ROBO2: variants seen among roughly 807,000 people sequenced by gnomAD.
ROBO2 encodes the protein roundabout guidance receptor 2, also known as roundabout homolog 2.
ROBO2 carries 53 observed loss-of-function variants against 160.8 expected under a neutral mutation model. The ratio of observed to expected loss-of-function variants is 0.33; its 90% CI spans 0.26 to 0.41. The LOEUF is 0.41. ROBO2 is among the 10% of genes least tolerant of loss of function. ROBO2 has a pLI of 1.00. For missense variants in ROBO2, 1,577 were observed against 1,722.4 expected (o/e 0.92, Z 1.49); for synonymous variants, 664 against 611.7 (o/e 1.09, Z -1.26).
At chr3:76,868,696 G>A (rs1204111734) in intron 2 of ROBO2, among the ~76,000 whole-genome samples, 1 of 151,880 alleles carries the variant, frequency 6.6e-6, no homozygotes, top group Non-Finnish European at 1.5e-5. Flanking sequence ...GGAATGAAGG[G>A]AAAGTATCCA....
intron 2 of ROBO2, among the ~76,000 whole-genome samples, chr3:76,373,818 CAGA>C (rs1401395374): frequency 7.2e-5 from 11 of 152,038 alleles, no homozygotes; most frequent in African/African-American, 2.2e-4. Context: ...CTGATCTTGT[CAGA>C]CTAAGCTGAT....
intron 2 of ROBO2, among the ~76,000 whole-genome samples, chr3:77,162,498 G>A (rs1279052719): frequency 2.0e-5 from 3 of 152,100 alleles, no homozygotes; most frequent in African/African-American, 4.8e-5. Flanking sequence ...AACTGTTTCC[G>A]TACGTAAGAT....
chr3:77,216,418 A>T (rs141343068), intron 2 of ROBO2, among the ~76,000 whole-genome samples: 169 of 152,252 alleles, frequency 1.1e-3, no homozygotes, highest in African/African-American at 3.9e-3. Flanking sequence ...TACTAAGACC[A>T]TTGGAAAAAT....
chr3:76,384,850 T>G (rs1048084515), intron 2 of ROBO2, among the ~76,000 whole-genome samples: 3 of 152,176 alleles, frequency 2.0e-5, no homozygotes, highest in African/African-American at 7.2e-5. Flanking sequence ...ACGTGAGGAT[T>G]AGGGGAACTA....
At chr3:76,146,621 G>A (rs1345077651) in intron 2 of ROBO2, among the ~76,000 whole-genome samples, 2 of 151,214 alleles carry the variant, frequency 1.3e-5, no homozygotes, top group East Asian at 2.0e-4. Flanking sequence ...TGCCTTGCAG[G>A]CTAACTCAAT....
intron 2 of ROBO2, among the ~76,000 whole-genome samples, chr3:77,266,314 C>A (rs2059121746): frequency 6.6e-6 from 1 of 151,932 alleles, no homozygotes; most frequent in African/African-American, 2.4e-5. Context: ...AATCATTGAG[C>A]CCATTTCTGG....
chr3:76,002,737 C>T (rs1414219068), intron 2 of ROBO2, among the ~76,000 whole-genome samples: 1 of 152,146 alleles, frequency 6.6e-6, no homozygotes, highest in East Asian at 1.9e-4. Context: ...CACCAAGAAA[C>T]ACCCAAAGCT....
chr3:77,300,846 CTATTTATTTATTTATTTATTTATTTATT>C (rs3070173), intron 2 of ROBO2, among the ~76,000 whole-genome samples: 1 of 146,266 alleles, frequency 6.8e-6, no homozygotes, highest in Non-Finnish European at 1.5e-5. Flanking sequence ...AAATAATAGA[CTATTTATTTATTTATTTATTTATTTATT>C]TATTTATTTA....
chr3:77,263,743 T>G (rs1187764998), intron 2 of ROBO2, among the ~76,000 whole-genome samples: 2 of 152,184 alleles, frequency 1.3e-5, no homozygotes, highest in Non-Finnish European at 2.9e-5. Flanking sequence ...ATAGAATAAT[T>G]TATATTCCTT....
intron 2 of ROBO2, among the ~76,000 whole-genome samples, chr3:76,716,280 G>T (rs958743463): frequency 1.3e-5 from 2 of 152,062 alleles, no homozygotes; most frequent in Admixed American, 1.3e-4. Flanking sequence ...GGCCTTTAAA[G>T]CTGCTTAACT....
At chr3:76,777,977 A>G (rs1212057780) in intron 2 of ROBO2, among the ~76,000 whole-genome samples, 1 of 151,128 alleles carries the variant, frequency 6.6e-6, no homozygotes, top group Non-Finnish European at 1.5e-5. Context: ...CTAATGGAGA[A>G]TCACCATTCT....
chr3:75,925,887 T>C (rs1410774873), intron 1 of ROBO2, among the ~76,000 whole-genome samples: 1 of 152,178 alleles, frequency 6.6e-6, no homozygotes, highest in Non-Finnish European at 1.5e-5. Flanking sequence ...CCAAGTAGGA[T>C]TGCAAAAGAC....
At chr3:76,910,746 A>G (rs2075939018) in intron 2 of ROBO2, among the ~76,000 whole-genome samples, 1 of 52,014 alleles carries the variant, frequency 1.9e-5, no homozygotes, top group African/African-American at 9.1e-5. Context: ...AAAAAAAAAG[A>G]AAAAAAAAGA....
chr3:77,479,731 T>C (rs2084453791), intron 3 of ROBO2, among the ~76,000 whole-genome samples: 1 of 152,196 alleles, frequency 6.6e-6, no homozygotes, highest in Non-Finnish European at 1.5e-5. Flanking sequence ...TTATAGCATT[T>C]AGCTCTTGCC....
intron 23 of ROBO2, chr3:77,633,840 T>G (rs1046729390): frequency 1.3e-5 from 2 of 152,220 alleles, no homozygotes; most frequent in African/African-American, 4.8e-5. Flanking sequence ...GAGTGCTTTT[T>G]GCAGCATTAG....
chr3:76,141,149 CTCTCTCTCTCTATATATA>C (rs1199424638), intron 2 of ROBO2, among the ~76,000 whole-genome samples: 1 of 51,176 alleles, frequency 2.0e-5, no homozygotes, highest in African/African-American at 8.8e-5. Flanking sequence ...CTCTCTCTCT[CTCTCTCTCTCTATATATA>C]TATATATATA....
chr3:76,703,041 A>G (rs2093080238), intron 2 of ROBO2, among the ~76,000 whole-genome samples: 1 of 152,164 alleles, frequency 6.6e-6, no homozygotes, highest in South Asian at 2.1e-4. Flanking sequence ...CTCCTCAACC[A>G]TATCTGCCCT....
intron 2 of ROBO2, among the ~76,000 whole-genome samples, chr3:76,012,608 T>G (rs2066225759): frequency 6.6e-6 from 1 of 152,204 alleles, no homozygotes; most frequent in Non-Finnish European, 1.5e-5. Flanking sequence ...CTGGGGATAT[T>G]TGTGACTGGA....
At chr3:76,870,093 G>A (rs138915556) in intron 2 of ROBO2, among the ~76,000 whole-genome samples, 1 of 152,244 alleles carries the variant, frequency 6.6e-6, no homozygotes, top group African/African-American at 2.4e-5. Flanking sequence ...TGGTATAAAG[G>A]CTTCCAACAT....
Sources: gnomAD v4.1 joint callset for allele counts (sites outside exome capture counted in the v4.1 genomes callset) on GRCh38, gnomAD v4.1.1 for gene constraint, MANE v1.5 for transcripts, NCBI Gene and HGNC (gene_info 2026-07-23, HGNC 2026-07-21) for gene names.